ATG16L1: variants seen among roughly 807,000 people sequenced by gnomAD.
The protein encoded by ATG16L1 is autophagy related 16 like 1.
In ATG16L1, 37 loss-of-function variants were observed where a neutral mutation model predicts 88.5. The observed-to-expected ratio is 0.42, with a 90% CI of 0.32 to 0.55. The LOEUF is 0.55. Ranked by LOEUF, ATG16L1 falls within the 20% of genes least tolerant of loss-of-function variation. The probability of loss-of-function intolerance (pLI) is 0.13; values close to 1 mark genes in which losing one functional copy is unlikely to be tolerated. For missense variants in ATG16L1, 554 were observed against 752.8 expected, an observed-to-expected ratio of 0.74 and a Z score of 3.09; for synonymous variants, 301 against 281.0, an observed-to-expected ratio of 1.07 and a Z score of -0.71.
At chr2:233,253,349 T>G (rs1247709365) in intron 1 of ATG16L1, among the ~76,000 whole-genome samples, 2 of 137,984 alleles carry the variant, frequency 1.4e-5, no homozygotes, top group African/African-American at 5.4e-5. Context: ...TGTTTTTTTT[T>G]TTTTTTTTTT....
intron 17 of ATG16L1, among the ~76,000 whole-genome samples, chr2:233,293,720 G>C (rs1196011978): frequency 6.6e-6 from 1 of 152,006 alleles, no homozygotes; most frequent in Non-Finnish European, 1.5e-5. Context: ...GTGCATTTCA[G>C]TGCATTGACG....
chr2:233,260,036 A>G (rs1315185103), intron 2 of ATG16L1, among the ~76,000 whole-genome samples: 5 of 152,092 alleles, frequency 3.3e-5, no homozygotes, highest in Admixed American at 2.6e-4. Flanking sequence ...TCAAAGGGAC[A>G]TTTGCTAGAG....
chr2:233,258,754 T>A (rs1438938695), intron 2 of ATG16L1, among the ~76,000 whole-genome samples: 3 of 152,302 alleles, frequency 2.0e-5, no homozygotes, highest in East Asian at 3.9e-4. Flanking sequence ...TGGAGTGCAG[T>A]GGCATGATCA....
At chr2:233,271,794 C>G (rs918689311) in intron 6 of ATG16L1, among the ~76,000 whole-genome samples, 3 of 152,346 alleles carry the variant, frequency 2.0e-5, no homozygotes, top group Non-Finnish European at 2.9e-5. Flanking sequence ...TGCAGTTCTC[C>G]TCTCTTCCTT....
intron 2 of ATG16L1, among the ~76,000 whole-genome samples, chr2:233,261,812 T>A (rs186915980): frequency 6.6e-6 from 1 of 152,336 alleles, no homozygotes; most frequent in Admixed American, 6.5e-5. Flanking sequence ...CAGTTCTAGT[T>A]GTCTTCTGCT....
chr2:233,259,329 A>G (rs960641757), intron 2 of ATG16L1, among the ~76,000 whole-genome samples: 6 of 152,096 alleles, frequency 3.9e-5, no homozygotes, highest in Non-Finnish European at 1.5e-5. Flanking sequence ...CATCTGAGGG[A>G]GGAGTGTTTT....
rs755265635 is a variant in ATG16L1, at chr2:233,290,384, C to G, written c.1430+31C>G. ...ATACCCAAGCTCCTGACTGGAGGCACATAAGAGTCTCCACAGTAATGGTTC... is the reference window on the plus strand; with the variant it reads ...ATACCCAAGCTCCTGACTGGAGGCAGATAAGAGTCTCCACAGTAATGGTTC... On this transcript the variant is annotated intron_variant, in intron 14 of 17. Coordinates refer to ENST00000392017, the MANE Select transcript of ATG16L1 (RefSeq NM_030803.7). 14 of 1,528,190 alleles carry G rather than the reference C, an allele frequency of 9.2e-6. No homozygotes were observed. The East Asian group carries it at 3.2e-4, about 34-fold the overall frequency. The allele number at this position is 1,528,190 out of a possible 1,614,324, so 94.7% of individuals were successfully genotyped here.
At chr2:233,271,644 A>G (rs1697999086) in intron 6 of ATG16L1, among the ~76,000 whole-genome samples, 1 of 152,240 alleles carries the variant, frequency 6.6e-6, no homozygotes, top group South Asian at 2.1e-4. Context: ...ACATCTTTGA[A>G]AGGTTTTGAT....
At position 233,277,565 on chromosome 2, in the gene ATG16L1, C is replaced by G; in HGVS notation, c.955-3C>G. On this transcript the variant is annotated splice_region_variant and splice_polypyrimidine_tract_variant and intron_variant, in intron 9 of 17. Coordinates refer to ENST00000392017, the MANE Select transcript of ATG16L1 (RefSeq NM_030803.7). ...GGTTTGACACAGGGTGCTTGTCTTG[C>G]AGGATGCACATGATGGGGAAGTCAA... is the stretch of plus-strand genomic sequence containing the variant. 1 of 1,613,626 alleles carries G rather than the reference C, an allele frequency of 6.2e-7. No homozygotes were observed. The highest frequency in any genetic ancestry group is 8.5e-7 in the Non-Finnish European group (1 of 1,179,634).
At chr2:233,269,876 T>A in intron 5 of ATG16L1, 126 bp from the exon 6 acceptor site, 3 of 844,964 alleles carry the variant, frequency 3.6e-6, no homozygotes, top group Non-Finnish European at 5.2e-6. Context: ...AGTATTTTGC[T>A]CAGGGTAGTT....
At position 233,264,151 on chromosome 2, in the gene ATG16L1, G is replaced by T. The variant is rs550521424; in HGVS notation, c.389+86G>T. 1.4e-4 allele frequency: 182 copies of T among 1,306,104 alleles called. No individual in the cohort carries two copies. The African/African-American group carries it at 2.3e-3, about 16-fold the overall frequency. The allele number at this position is 1,306,104 out of a possible 1,614,324, so 80.9% of individuals were successfully genotyped here. A position where few individuals can be genotyped will look rare whatever the true frequency, so the allele number is the denominator to read the frequency against. On this transcript the variant is annotated intron_variant, in intron 4 of 17. Transcript: ENST00000392017. ...TGACCTCTTGTGAGCAGGGCCAGTG[G>T]CAGTGAGTGGCCACAGTGCACTTAG...
In ATG16L1 at chr2:233,289,511, A is replaced by G. The variant is rs201710024; in HGVS notation, c.1204-343A>G. Among the ~76,000 whole-genome samples the G allele has an allele frequency of 3.4e-4, 51 of 152,024 alleles. No individual in the cohort carries two copies. In the East Asian group the frequency reaches 8.9e-3, roughly 27 times the overall value. On this transcript the variant is annotated intron_variant, in intron 12 of 17. Coordinates refer to ENST00000392017, the MANE Select transcript of ATG16L1 (RefSeq NM_030803.7). ...AGCAATCCTCTTGCCTCAGCTTCCC[A>G]AGTAGCTGGGACCCCAGGCGCATGC... is the stretch of plus-strand genomic sequence containing the variant.
At chr2:233,290,400 G>A (rs758377592) in intron 14 of ATG16L1, 47 bp downstream of exon 14, 7 of 1,432,654 alleles carry the variant, frequency 4.9e-6, no homozygotes, top group Middle Eastern at 1.7e-4. Flanking sequence ...AGTCTCCACA[G>A]TAATGGTTCT....
rs1456464509 is a variant in ATG16L1 at position 233,270,046 on chromosome 2, A to G, written c.686A>G (p.Lys229Arg). Reference sequence around the variant, plus strand: ...CAGAAAGAGCTTGCAGAAGCAGCAAAGGAACCTCTACCAGTCGAACAGTAA... The same window carrying G: ...CAGAAAGAGCTTGCAGAAGCAGCAAGGGAACCTCTACCAGTCGAACAGTAA... ...RLQKELAEAA[K>R]EPLPVEQDDD... Residue 229 changes from lysine to arginine, a missense_variant, in exon 6 of 18, where the codon AAG becomes AGG. Transcript: ENST00000392017. 1 of 1,591,506 alleles carries G rather than the reference A, an allele frequency of 6.3e-7. No individual in the cohort carries two copies. The highest frequency in any genetic ancestry group is 1.2e-5 in the South Asian group (1 of 85,960).
In ATG16L1 at chr2:233,290,285, T is replaced by C. The variant is rs1202068687; in HGVS notation, c.1362T>C (p.Asp454=). The C allele has an allele frequency of 1.2e-6, 2 of 1,614,246 alleles. No homozygotes were observed. Among genetic ancestry groups the C allele is most frequent in the Non-Finnish European group, 1.7e-6 (2 of 1,180,044 alleles). Residue 454 remains aspartate, a synonymous_variant, in exon 14 of 18, where the codon GAT becomes GAC. Transcript: ENST00000392017. ...KTVFAGSSCN[D]IVCTEQCVMS... Reference sequence around the variant, plus strand: ...TGTTTGCAGGATCCAGTTGCAATGATATTGTCTGCACAGAGCAATGTGTAA... The same window carrying C: ...TGTTTGCAGGATCCAGTTGCAATGACATTGTCTGCACAGAGCAATGTGTAA...
At chr2:233,264,100 A>C in intron 4 of ATG16L1, 35 bp downstream of exon 4, 2 of 1,607,580 alleles carry the variant, frequency 1.2e-6, no homozygotes, top group African/African-American at 2.7e-5. Context: ...GAGCCTGGTC[A>C]TTGGGTCCCA....
rs1207124081 is a variant in ATG16L1 at position 233,277,657 on chromosome 2, T to C, written c.1044T>C (p.Leu348=). The C allele has an allele frequency of 2.5e-6, 4 of 1,613,864 alleles. No homozygotes were observed. The South Asian group carries it at 4.4e-5, about 18-fold the overall frequency. ...ATGGMDRRVK[L]WEVFGEKCEF... ...GAGGCATGGACCGCAGGGTTAAGCT[T>C]TGGGAAGTATTTGGAGGTGAGAGCC... The change falls in exon 10 of 18, where the codon CTT becomes CTC. Residue 348 remains leucine (L), a synonymous_variant. Coordinates refer to ENST00000392017, the MANE Select transcript of ATG16L1 (RefSeq NM_030803.7).
In ATG16L1 at chr2:233,275,535, G is replaced by C. The variant is rs1344437124; in HGVS notation, c.954+757G>C. 1.4e-5 allele frequency: 5 copies of C among 354,182 alleles called. No individual in the cohort carries two copies. The East Asian group carries it at 3.7e-4, about 26-fold the overall frequency. The allele number at this position is 354,182 out of a possible 1,614,324, so 21.9% of individuals were successfully genotyped here. A position where few individuals can be genotyped will look rare whatever the true frequency, so the allele number is the denominator to read the frequency against. On this transcript the variant is annotated intron_variant, in intron 9 of 17. Coordinates refer to ENST00000392017, the MANE Select transcript of ATG16L1 (RefSeq NM_030803.7). ...CGTAAAAATGGGATGGAATTTATATGGTGGGAGCTTTGGGTTCCAGGTATA... is the reference window on the plus strand; with the variant it reads ...CGTAAAAATGGGATGGAATTTATATCGTGGGAGCTTTGGGTTCCAGGTATA...
chr2:233,265,222 C>G, intron 5 of ATG16L1, 79 bp downstream of exon 5: 5 of 1,527,982 alleles, frequency 3.3e-6, no homozygotes, highest in Non-Finnish European at 4.4e-6. Flanking sequence ...AGAGATAAAC[C>G]TGGCAGTTAC....
Sources: gnomAD v4.1 joint callset for allele counts (sites outside exome capture counted in the v4.1 genomes callset) on GRCh38, gnomAD v4.1.1 for gene constraint, MANE v1.5 for transcripts, NCBI Gene and HGNC (gene_info 2026-07-23, HGNC 2026-07-21) for gene names.